Variants in UBE2U observed in about 807,000 individuals in gnomAD.
UBE2U encodes ubiquitin-conjugating enzyme E2 U.
UBE2U carries 39 observed loss-of-function variants against 41.2 expected under a neutral mutation model. That is an observed-to-expected ratio of 0.95 (90% CI 0.73 to 1.24). The LOEUF is 1.24. Among genes scored for constraint, UBE2U ranks in the 50% most tolerant of loss-of-function variants. The pLI, the probability that UBE2U is intolerant of heterozygous loss-of-function variation, is 0.00. For missense variants in UBE2U, 336 were observed against 363.1 expected, an observed-to-expected ratio of 0.93 and a Z score of 0.61; for synonymous variants, 107 against 117.8, an observed-to-expected ratio of 0.91 and a Z score of 0.60.
At position 64,267,361 on chromosome 1, in the gene UBE2U, T is replaced by C; in HGVS notation, c.*153T>C. 1 of 625,646 alleles carries C rather than the reference T, an allele frequency of 1.6e-6. No individual in the cohort carries two copies. The allele number at this position is 625,646 out of a possible 1,614,324, so 38.8% of individuals were successfully genotyped here. A position where few individuals can be genotyped will look rare whatever the true frequency, so the allele number is the denominator to read the frequency against. On this transcript the variant is annotated 3_prime_UTR_variant, in exon 10 of 10. Coordinates refer to ENST00000371077, the MANE Select transcript of UBE2U (RefSeq NM_001366232.2). Reference sequence around the variant, plus strand: ...TACAAATTAGAAATATAAGTACAAATCAGTAAAGATGTTGCTTTGACTTTT... The same window carrying C: ...TACAAATTAGAAATATAAGTACAAACCAGTAAAGATGTTGCTTTGACTTTT...
At chr1:64,238,781 T>C (rs1644718669) in intron 7 of UBE2U, among the ~76,000 whole-genome samples, 1 of 151,858 alleles carries the variant, frequency 6.6e-6, no homozygotes, top group Non-Finnish European at 1.5e-5. Context: ...GTGGTTCACA[T>C]CTGTAATCCC....
chr1:64,219,237 T>C (rs1337337980), intron 5 of UBE2U, among the ~76,000 whole-genome samples: 1 of 152,222 alleles, frequency 6.6e-6, no homozygotes, highest in African/African-American at 2.4e-5. Flanking sequence ...TCGTAAATAC[T>C]TTACTACATT....
chr1:64,235,898 C>A (rs1381095004), intron 7 of UBE2U, among the ~76,000 whole-genome samples: 2 of 152,152 alleles, frequency 1.3e-5, no homozygotes, highest in African/African-American at 4.8e-5. Context: ...GGTGGTATAT[C>A]AACCCTACGT....
intron 6 of UBE2U, among the ~76,000 whole-genome samples, chr1:64,224,057 G>A (rs1652683263): frequency 6.6e-6 from 1 of 152,140 alleles, no homozygotes; most frequent in Non-Finnish European, 1.5e-5. Flanking sequence ...CATGAGAGGA[G>A]ATGAAAATGA....
intron 9 of UBE2U, among the ~76,000 whole-genome samples, chr1:64,266,135 G>A (rs531236381): frequency 6.6e-6 from 1 of 152,290 alleles, no homozygotes; most frequent in Non-Finnish European, 1.5e-5. Flanking sequence ...TTCATCCCCA[G>A]AAAGCAAGGT....
chr1:64,206,859 A>G lies in UBE2U; in HGVS notation c.241+3A>G. On this transcript the variant is annotated splice_donor_region_variant and intron_variant, in intron 3 of 9. Transcript: ENST00000371077. ...AACAATTCCGTTTCATCCAAATGGT[A>G]AGAACTAAATGACATTTTTATCATT... The G allele has an allele frequency of 6.5e-7, 1 of 1,544,686 alleles. No homozygotes were observed. Among genetic ancestry groups the G allele is most frequent in the Non-Finnish European group, 8.9e-7 (1 of 1,120,934 alleles).
intron 5 of UBE2U, among the ~76,000 whole-genome samples, chr1:64,215,226 T>C (rs825171): frequency 0.68 from 103,741 of 151,750 alleles, 37,221 homozygotes; most frequent in African/African-American, 0.92. Context: ...AGTGAAACTC[T>C]GTCTCAAAAA....
intron 8 of UBE2U, among the ~76,000 whole-genome samples, chr1:64,243,443 G>GGAC (rs759984324): frequency 7.9e-5 from 12 of 152,196 alleles, no homozygotes; most frequent in Non-Finnish European, 1.6e-4. Context: ...ATGATAAAGA[G>GGAC]GACAATTCAT....
At chr1:64,262,124 T>C (rs1645188177) in intron 9 of UBE2U, among the ~76,000 whole-genome samples, 1 of 152,218 alleles carries the variant, frequency 6.6e-6, no homozygotes, top group African/African-American at 2.4e-5. Context: ...TGTTTTCTCA[T>C]ACCCCTACTC....
chr1:64,222,859 T>A (rs757253487), intron 6 of UBE2U, among the ~76,000 whole-genome samples: 6 of 152,186 alleles, frequency 3.9e-5, no homozygotes, highest in Non-Finnish European at 7.3e-5. Context: ...TCCAAAGATA[T>A]ATCCAGGCAG....
chr1:64,239,151 A>AAGGAGAAGGAGAAGGAGAAGG (rs1644764916), intron 7 of UBE2U, among the ~76,000 whole-genome samples: 1 of 23,824 alleles, frequency 4.2e-5, no homozygotes, highest in African/African-American at 2.2e-4. Context: ...GAAGAAGAAG[A>AAGGAGAAGGAGAAGGAGAAGG]AGAAGAAAGA....
chr1:64,212,146 A>G (rs980966169), intron 4 of UBE2U, among the ~76,000 whole-genome samples: 1 of 152,214 alleles, frequency 6.6e-6, no homozygotes, highest in Non-Finnish European at 1.5e-5. Context: ...GTTGTGTTCT[A>G]GGAAGGAGAC....
At chr1:64,252,483 C>G (rs572487608) in intron 8 of UBE2U, among the ~76,000 whole-genome samples, 107 of 152,300 alleles carry the variant, frequency 7.0e-4, no homozygotes, top group African/African-American at 2.5e-3. Context: ...CCAGTCACCT[C>G]CTACAGGAGT....
At position 64,214,936 on chromosome 1, in the gene UBE2U, A is replaced by G. The variant is rs1204438283; in HGVS notation, c.457+4A>G. 5 of 1,606,612 alleles carry G rather than the reference A, an allele frequency of 3.1e-6. No individual in the cohort carries two copies. Among genetic ancestry groups the G allele is most frequent in the Non-Finnish European group, 2.6e-6 (3 of 1,173,190 alleles). Reference sequence around the variant, plus strand: ...CTTTTCAACAGGCCATTACAAAGTAAGAAGTATCTACTTTTGTTAGGTGCA... The same window carrying G: ...CTTTTCAACAGGCCATTACAAAGTAGGAAGTATCTACTTTTGTTAGGTGCA... On this transcript the variant is annotated splice_donor_region_variant and intron_variant, in intron 5 of 9. Coordinates refer to ENST00000371077, the MANE Select transcript of UBE2U (RefSeq NM_001366232.2).
intron 7 of UBE2U, among the ~76,000 whole-genome samples, chr1:64,239,080 G>GAAGAA (rs1491414275): frequency 1.8e-5 from 1 of 54,782 alleles, no homozygotes; most frequent in Non-Finnish European, 3.6e-5. Context: ...AAGAGGAAGA[G>GAAGAA]GAAGAGGAAG....
At chr1:64,251,333 A>G (rs1399062040) in intron 8 of UBE2U, among the ~76,000 whole-genome samples, 1 of 152,044 alleles carries the variant, frequency 6.6e-6, no homozygotes, top group Non-Finnish European at 1.5e-5. Flanking sequence ...GACTATATGG[A>G]GTTTATACTA....
chr1:64,239,181 G>GAAGAAGAAGAAGAAGAAGAAGA lies in UBE2U; in HGVS notation c.596-2460_596-2459insGAAGAAGAAGAAAGAAGAAGAA, dbSNP rs1557731495. ...GAAAGAAGAAGAAGAAGAAGAAGAA[G>GAAGAAGAAGAAGAAGAAGAAGA]AAGAAGAAGAAAGCCCCAGACAAGG... On this transcript the variant is annotated intron_variant, in intron 7 of 9. Coordinates refer to ENST00000371077, the MANE Select transcript of UBE2U (RefSeq NM_001366232.2). Among the ~76,000 whole-genome samples, 5 of 134,618 alleles carry GAAGAAGAAGAAGAAGAAGAAGA rather than the reference G, an allele frequency of 3.7e-5. No individual in the cohort carries two copies. In the Admixed American group the frequency reaches 3.8e-4, roughly 10 times the overall value. 88.3% of individuals were successfully genotyped at this position (134,618 alleles called of 152,430 possible).
At chr1:64,205,785 T>C in intron 2 of UBE2U, 65 bp downstream of exon 2, 1 of 1,327,356 alleles carries the variant, frequency 7.5e-7, no homozygotes, top group Non-Finnish European at 1.1e-6. Context: ...GCCCATCCTC[T>C]TTTTATGTAG....
intron 6 of UBE2U, among the ~76,000 whole-genome samples, chr1:64,223,560 C>T (rs1228901082): frequency 1.3e-5 from 2 of 152,118 alleles, no homozygotes; most frequent in African/African-American, 4.8e-5. Context: ...AGTCATCCAT[C>T]TCTGGGGCCT....
Sources: gnomAD v4.1 joint callset for allele counts (sites outside exome capture counted in the v4.1 genomes callset) on GRCh38, gnomAD v4.1.1 for gene constraint, MANE v1.5 for transcripts, NCBI Gene and HGNC (gene_info 2026-07-23, HGNC 2026-07-21) for gene names.